Variants in CNTN1 observed in about 807,000 individuals in gnomAD.
CNTN1 encodes the protein contactin-1.
Under a neutral mutation model 126.4 loss-of-function variants are expected in CNTN1, and 38 were observed. That is an observed-to-expected ratio of 0.30 (90% CI 0.23 to 0.39). The LOEUF is 0.39. Ranked by LOEUF, CNTN1 falls within the 10% of genes least tolerant of loss-of-function variation. CNTN1 has a pLI of 1.00. For missense variants in CNTN1, 1,009 were observed against 1,248.4 expected (o/e 0.81, Z 2.89); for synonymous variants, 413 against 422.6 (o/e 0.98, Z 0.28).
At chr12:40,736,336 A>G (rs1419052572) in intron 1 of CNTN1, among the ~76,000 whole-genome samples, 2 of 152,138 alleles carry the variant, frequency 1.3e-5, no homozygotes, top group Non-Finnish European at 2.9e-5. Flanking sequence ...GACCACGGCA[A>G]ACAAATAGAC....
chr12:40,725,897 T>C (rs1011605705), intron 1 of CNTN1, among the ~76,000 whole-genome samples: 2 of 151,672 alleles, frequency 1.3e-5, no homozygotes, highest in Non-Finnish European at 2.9e-5. Flanking sequence ...CATAGGCGTT[T>C]AGTAGGCATT....
At chr12:41,034,500 G>A (rs1200927533) in intron 23 of CNTN1, among the ~76,000 whole-genome samples, 2 of 152,122 alleles carry the variant, frequency 1.3e-5, no homozygotes, top group East Asian at 3.9e-4. Context: ...AGGATAGTAG[G>A]ATGTTTAGAT....
At chr12:40,993,056 G>C in intron 16 of CNTN1, 64 bp from the exon 17 acceptor site, 1 of 1,436,514 alleles carries the variant, frequency 7.0e-7, no homozygotes, top group Non-Finnish European at 9.8e-7. Context: ...AAAATAAAAA[G>C]GGAAGTTATA....
In CNTN1 at chr12:40,983,905, A is replaced by T. The variant is rs907133639; in HGVS notation, c.1963+2838A>T. ...TTATGCTATTATAGCATATTTTATTATATGCTATTATAGCATATTTTATTA... is the reference window on the plus strand; with the variant it reads ...TTATGCTATTATAGCATATTTTATTTTATGCTATTATAGCATATTTTATTA... On this transcript the variant is annotated intron_variant, in intron 16 of 23. Transcript: ENST00000551295. Among the ~76,000 whole-genome samples, 49 of 133,110 alleles carry T rather than the reference A, an allele frequency of 3.7e-4. No homozygotes were observed. In the East Asian group the frequency reaches 5.6e-3, roughly 15 times the overall value. 87.3% of individuals were successfully genotyped at this position (133,110 alleles called of 152,430 possible). A position where few individuals can be genotyped will look rare whatever the true frequency, so the allele number is the denominator to read the frequency against.
intron 1 of CNTN1, among the ~76,000 whole-genome samples, chr12:40,868,985 G>C (rs1333410957): frequency 6.6e-6 from 1 of 151,614 alleles, no homozygotes; most frequent in Non-Finnish European, 1.5e-5. Flanking sequence ...ATACTACACT[G>C]TCATTATTCA....
At chr12:40,977,791 G>T (rs1018390253) in intron 15 of CNTN1, among the ~76,000 whole-genome samples, 1 of 149,710 alleles carries the variant, frequency 6.7e-6, no homozygotes, top group African/African-American at 2.5e-5. Context: ...GTTTTGTTTT[G>T]TTTTGTTTTG....
At chr12:40,718,168 T>TTTTTG (rs1297054436) in intron 1 of CNTN1, among the ~76,000 whole-genome samples, 2 of 152,004 alleles carry the variant, frequency 1.3e-5, no homozygotes, top group East Asian at 1.9e-4. Context: ...CATGAAAGGT[T>TTTTTG]TTTTGTTTTG....
At chr12:40,839,196 G>A (rs2136575949) in intron 1 of CNTN1, among the ~76,000 whole-genome samples, 1 of 152,226 alleles carries the variant, frequency 6.6e-6, no homozygotes, top group African/African-American at 2.4e-5. Context: ...AGAATTTGAA[G>A]ATAGGTCTTT....
chr12:41,025,090 C>T, intron 20 of CNTN1, 60 bp from the exon 21 acceptor site: 3 of 1,562,952 alleles, frequency 1.9e-6, no homozygotes, highest in Non-Finnish European at 2.6e-6. Flanking sequence ...TTGAAGAGAA[C>T]TTTTCATAGC....
intron 1 of CNTN1, among the ~76,000 whole-genome samples, chr12:40,701,993 C>T (rs989016672): frequency 1.3e-5 from 2 of 152,200 alleles, no homozygotes; most frequent in East Asian, 3.8e-4. Context: ...TCACTATCGC[C>T]TTACTGTTCT....
chr12:40,787,718 C>T (rs1233607091), intron 1 of CNTN1, among the ~76,000 whole-genome samples: 2 of 152,016 alleles, frequency 1.3e-5, no homozygotes, highest in Non-Finnish European at 2.9e-5. Flanking sequence ...ATAAAGCAAA[C>T]ATAAGCTTTA....
chr12:40,698,372 A>T (rs1486456955), intron 1 of CNTN1, among the ~76,000 whole-genome samples: 1 of 150,716 alleles, frequency 6.6e-6, no homozygotes, highest in East Asian at 2.0e-4. Flanking sequence ...AGTAGCTGGG[A>T]CTACAGGTGC....
At chr12:40,866,074 G>T (rs985241064) in intron 1 of CNTN1, among the ~76,000 whole-genome samples, 47 of 151,700 alleles carry the variant, frequency 3.1e-4, no homozygotes. Flanking sequence ...TCGTCTTGGT[G>T]CTATTGTAAA....
chr12:40,980,881 T>C, intron 15 of CNTN1, 28 bp from the exon 16 acceptor site: 1 of 1,610,044 alleles, frequency 6.2e-7, no homozygotes, highest in Non-Finnish European at 8.5e-7. Context: ...TGGAATTCAC[T>C]GATTCATTAC....
intron 17 of CNTN1, among the ~76,000 whole-genome samples, chr12:41,003,291 G>A (rs562886969): frequency 6.6e-6 from 1 of 152,256 alleles, no homozygotes; most frequent in African/African-American, 2.4e-5. Context: ...CAGAGATAAA[G>A]TCTACTTGAT....
chr12:40,989,158 T>C (rs776032093), intron 16 of CNTN1, among the ~76,000 whole-genome samples: 4 of 151,964 alleles, frequency 2.6e-5, no homozygotes, highest in Non-Finnish European at 4.4e-5. Context: ...AGGCCTCTGC[T>C]CCCAAACTGC....
intron 1 of CNTN1, among the ~76,000 whole-genome samples, chr12:40,821,046 G>A (rs4360771): frequency 0.58 from 88,181 of 151,988 alleles, 25,862 homozygotes; most frequent in East Asian, 0.77. Context: ...TGTTTGATTC[G>A]TAGTTCTCAG....
At chr12:40,713,502 T>C (rs1431175462) in intron 1 of CNTN1, among the ~76,000 whole-genome samples, 1 of 151,650 alleles carries the variant, frequency 6.6e-6, no homozygotes, top group African/African-American at 2.4e-5. Flanking sequence ...GATTTCTGTT[T>C]CTTTATGCTA....
In CNTN1 at chr12:40,707,227, C is replaced by CTTTTTTTTTTTTT. The variant is rs370984371; in HGVS notation, c.-77+14662_-77+14674dup. Among the ~76,000 whole-genome samples, 183 of 109,158 alleles carry CTTTTTTTTTTTTT rather than the reference C, an allele frequency of 1.7e-3. 8 individuals carry two copies. Among genetic ancestry groups the CTTTTTTTTTTTTT allele is most frequent in the African/African-American group, 2.3e-3 (61 of 26,096 alleles). The allele number at this position is 109,158 out of a possible 152,430, so 71.6% of individuals were successfully genotyped here. ...TTCCTCTTTCATTTCTTTTCTTTTT[C>CTTTTTTTTTTTTT]TTTTTTTTTTTTTTTTTTTTTTTTT... On this transcript the variant is annotated intron_variant, in intron 1 of 23. Transcript: ENST00000551295.
Sources: gnomAD v4.1 joint callset for allele counts (sites outside exome capture counted in the v4.1 genomes callset) on GRCh38, gnomAD v4.1.1 for gene constraint, MANE v1.5 for transcripts, NCBI Gene and HGNC (gene_info 2026-07-23, HGNC 2026-07-21) for gene names.